CDK10: variants seen among roughly 807,000 people sequenced by gnomAD.
The protein encoded by CDK10 is cyclin-dependent kinase 10.
A neutral mutation model predicts 51.0 loss-of-function variants in CDK10; 55 were observed. The ratio of observed to expected loss-of-function variants is 1.08; its 90% CI spans 0.87 to 1.35. The LOEUF is 1.35. CDK10 is among the 40% of genes most tolerant of loss of function. The probability of loss-of-function intolerance (pLI) is 0.00; values close to 1 mark genes in which losing one functional copy is unlikely to be tolerated. For missense variants in CDK10, 589 were observed against 485.1 expected (o/e 1.21, Z -2.01); for synonymous variants, 255 against 199.1 (o/e 1.28, Z -2.36).
intron 1 of CDK10, among the ~76,000 whole-genome samples, chr16:89,688,077 CTTTTTTTT>C (rs35911494): frequency 2.7e-5 from 2 of 75,420 alleles, no homozygotes; most frequent in South Asian, 5.4e-4. Flanking sequence ...GCTACGTGTG[CTTTTTTTT>C]TTTTTTTTTT....
In CDK10 at chr16:89,693,289, C is replaced by T. The variant is rs571605016; in HGVS notation, c.501C>T (p.Ser167=). The stretch of plus-strand genomic sequence containing the variant: ...TCCATCACAGGGACCTGAAGGTTTC[C>T]AACTTGCTCATGACCGACAAGGGTT... The part of the protein sequence containing the change: ...NFIIHRDLKV[S]NLLMTDKGCV... Residue 167 remains serine, a synonymous_variant, in exon 7 of 13, where the codon TCC becomes TCT. Transcript: ENST00000353379. 1.1e-5 allele frequency: 17 copies of T among 1,614,128 alleles called. No homozygotes were observed. Among genetic ancestry groups the T allele is most frequent in the South Asian group, 3.3e-5 (3 of 91,078 alleles).
rs368560410 is a variant in CDK10 at position 89,695,523 on chromosome 16, G to A, written c.986-72G>A. 3 of 1,537,268 alleles carry A rather than the reference G, an allele frequency of 2.0e-6. No homozygotes were observed. In the Admixed American group the frequency reaches 5.6e-5, roughly 29 times the overall value. On this transcript the variant is annotated intron_variant, in intron 12 of 12. Transcript: ENST00000353379. ...CAGGGCCAGGTCCAGAGGCAGAGCT[G>A]GACTCAGACCTGGGCCTGCTCCTCC...
chr16:89,695,654 G>C lies in CDK10; in HGVS notation c.1045G>C (p.Ala349Pro). The C allele has an allele frequency of 1.9e-6, 3 of 1,603,926 alleles. No individual in the cohort carries two copies. The highest frequency in any genetic ancestry group is 2.5e-6 in the Non-Finnish European group (3 of 1,176,992). ...CCACCGCAACAAGCGGGCCGCCCCA[G>C]CCACCTCCGAGGGCCAGAGCAAGCG... ...PHHRNKRAAP[A>P]TSEGQSKRCK... Residue 349 changes from alanine (A) to proline (P), a missense_variant, in exon 13 of 13, where the codon GCC (alanine) becomes CCC (proline). Ala to Pro is a conservative substitution (Grantham distance 27, BLOSUM62 -1). Transcript: ENST00000353379.
chr16:89,692,556 CT>C, intron 6 of CDK10, 40 bp downstream of exon 6: 8 of 1,492,560 alleles, frequency 5.4e-6, no homozygotes, highest in Non-Finnish European at 7.3e-6. Flanking sequence ...ACAAATTCGG[CT>C]GAGGCCTAAC....
At chr16:89,687,871 G>A (rs928532457) in intron 1 of CDK10, 5 of 338,052 alleles carry the variant, frequency 1.5e-5, no homozygotes, top group Non-Finnish European at 3.0e-5. Flanking sequence ...ATCAGTGAGT[G>A]ACAGGCCAGA....
Position 89,689,270 on chromosome 16 carries a change from G to C in CDK10, c.106G>C (p.Val36Leu). 2 of 1,614,150 alleles carry C rather than the reference G, an allele frequency of 1.2e-6. No individual in the cohort carries two copies. The highest frequency in any genetic ancestry group is 1.7e-6 in the Non-Finnish European group (2 of 1,180,020). ...PEHRLGRCRS[V>L]KEFEKLNRIG... ...GTTTCAGCTGGGACGATGCCGGAGTGTGAAGGAGTTTGAGAAGCTGAACCG... is the reference window on the plus strand; with the variant it reads ...GTTTCAGCTGGGACGATGCCGGAGTCTGAAGGAGTTTGAGAAGCTGAACCG... Residue 36 changes from valine to leucine, a missense_variant, in exon 2 of 13, where the codon GTG becomes CTG. By Grantham distance (32) the Val-to-Leu change is conservative. Coordinates refer to ENST00000353379, the MANE Select transcript of CDK10 (RefSeq NM_052988.5).
At chr16:89,694,254 T>C (rs747136417) in intron 9 of CDK10, 22 bp downstream of exon 9, 1 of 1,612,246 alleles carries the variant, frequency 6.2e-7, no homozygotes. Context: ...CGGTTACCGC[T>C]CCTGGGGCCT....
rs969651369 is a variant in CDK10 at position 89,686,703 on chromosome 16, C to T, written c.-8C>T. Reference sequence around the variant, plus strand: ...CTGCGCGCAAGAGAGGCGGGGCCAGCGCTCGGCATGGCGGAGCCAGATCTG... The same window carrying T: ...CTGCGCGCAAGAGAGGCGGGGCCAGTGCTCGGCATGGCGGAGCCAGATCTG... On this transcript the variant is annotated 5_prime_UTR_variant, in exon 1 of 13. Coordinates refer to ENST00000353379, the MANE Select transcript of CDK10 (RefSeq NM_052988.5). The T allele has an allele frequency of 2.3e-5, 36 of 1,571,346 alleles. No homozygotes were observed. Among genetic ancestry groups the T allele is most frequent in the Non-Finnish European group, 3.1e-5 (36 of 1,157,232 alleles).
intron 1 of CDK10, among the ~76,000 whole-genome samples, chr16:89,688,269 A>T (rs543285371): frequency 2.0e-5 from 3 of 151,832 alleles, no homozygotes; most frequent in Non-Finnish European, 2.9e-5. Context: ...TTTTTAGTAG[A>T]GACGGAGTTT....
intron 1 of CDK10, chr16:89,687,262 C>G (rs2060236002): frequency 3.0e-6 from 1 of 333,998 alleles, no homozygotes; most frequent in South Asian, 2.3e-5. Flanking sequence ...GGGCGCGTCC[C>G]TTGCGGAGGT....
chr16:89,686,882 C>A, intron 1 of CDK10, 85 bp downstream of exon 1: 1 of 1,190,928 alleles, frequency 8.4e-7, no homozygotes, highest in Non-Finnish European at 1.2e-6. Context: ...TGTCGCGCTG[C>A]CGCGCCGAGG....
Position 89,691,517 on chromosome 16 carries a change from G to C in CDK10, c.307G>C (p.Glu103Gln), listed in dbSNP as rs2060448548. The change falls in exon 4 of 13, where the codon GAG becomes CAG. Residue 103 changes from glutamate (E) to glutamine (Q), a missense_variant. Coordinates refer to ENST00000353379, the MANE Select transcript of CDK10 (RefSeq NM_052988.5). The stretch of plus-strand genomic sequence containing the variant: ...TCATCCGAACATCGTGGAGCTGAAG[G>C]AGGTGGTTGTGGGGAACCACCTGGA... ...LRHPNIVELKEVVVGNHLESI... is the reference protein window; with the variant it reads ...LRHPNIVELKQVVVGNHLESI... The C allele has an allele frequency of 6.2e-7, 1 of 1,614,028 alleles. No homozygotes were observed. The highest frequency in any genetic ancestry group is 8.5e-7 in the Non-Finnish European group (1 of 1,179,956).
At chr16:89,694,102 G>A in intron 8 of CDK10, 71 bp from the exon 9 acceptor site, 1 of 1,475,478 alleles carries the variant, frequency 6.8e-7, no homozygotes, top group Admixed American at 1.7e-5. Context: ...TCTCGGGGAG[G>A]CTGTGTCCTG....
chr16:89,692,111 C>T (rs1453377672), intron 5 of CDK10: 2 of 593,706 alleles, frequency 3.4e-6, no homozygotes, highest in Non-Finnish European at 6.0e-6. Flanking sequence ...CACTGGTTTC[C>T]TGGGCTGTTG....
intron 6 of CDK10, 125 bp downstream of exon 6, chr16:89,692,641 A>G (rs958015003): frequency 4.5e-5 from 27 of 600,678 alleles, no homozygotes; most frequent in Non-Finnish European, 7.5e-5. Flanking sequence ...CTCGCACTCC[A>G]TTTGTGTTTT....
chr16:89,693,001 G>A (rs2060523271), intron 6 of CDK10, among the ~76,000 whole-genome samples: 1 of 151,732 alleles, frequency 6.6e-6, no homozygotes, highest in East Asian at 1.9e-4. Flanking sequence ...AGCCGGGCGT[G>A]GTGGCGGGCG....
rs1385718953 is a variant in CDK10 at position 89,692,612 on chromosome 16, T to C, written c.485+96T>C. 5 of 801,312 alleles carry C rather than the reference T, an allele frequency of 6.2e-6. No homozygotes were observed. The South Asian group carries it at 1.0e-4, about 17-fold the overall frequency. 49.6% of individuals were successfully genotyped at this position (801,312 alleles called of 1,614,324 possible). ...TACTAAAAGCTCAGGGGTTCCCAGC[T>C]GCAGCAGCCTGCCCGCTGCTCGCAC... is the stretch of plus-strand genomic sequence containing the variant. On this transcript the variant is annotated intron_variant, in intron 6 of 12. Coordinates refer to ENST00000353379, the MANE Select transcript of CDK10 (RefSeq NM_052988.5).
intron 2 of CDK10, chr16:89,689,859 T>A (rs1284446950): frequency 1.3e-5 from 2 of 154,224 alleles, no homozygotes; most frequent in Non-Finnish European, 2.9e-5. Context: ...AATTTTTAAA[T>A]TTTTGGTAGA....
chr16:89,695,572 G>A (rs749633858), intron 12 of CDK10, 23 bp from the exon 13 acceptor site: 1 of 1,591,602 alleles, frequency 6.3e-7, no homozygotes, highest in South Asian at 1.1e-5. Context: ...GCCCCGCCCA[G>A]CACTGAACCC....
Sources: gnomAD v4.1 joint callset for allele counts (sites outside exome capture counted in the v4.1 genomes callset) on GRCh38, gnomAD v4.1.1 for gene constraint, MANE v1.5 for transcripts, NCBI Gene and HGNC (gene_info 2026-07-23, HGNC 2026-07-21) for gene names.